Variants in CLEC16A observed in about 807,000 individuals in gnomAD.
The protein encoded by CLEC16A is protein CLEC16A.
A neutral mutation model predicts 109.5 loss-of-function variants in CLEC16A; 51 were observed. That is an observed-to-expected ratio of 0.47 (90% CI 0.37 to 0.59). The LOEUF is 0.59. Ranked by LOEUF, CLEC16A falls within the 20% of genes least tolerant of loss-of-function variation. CLEC16A has a pLI of 0.00. For missense variants in CLEC16A, 1,339 were observed against 1,394.0 expected, an observed-to-expected ratio of 0.96 and a Z score of 0.63; for synonymous variants, 673 against 564.2, an observed-to-expected ratio of 1.19 and a Z score of -2.73.
At chr16:11,120,143 G>A (rs1334039091) in intron 19 of CLEC16A, among the ~76,000 whole-genome samples, 1 of 152,132 alleles carries the variant, frequency 6.6e-6, no homozygotes, top group African/African-American at 2.4e-5. Context: ...CTAATCTTTT[G>A]TAGTTTTAGT....
At chr16:11,040,044 C>G in intron 14 of CLEC16A, 168 bp downstream of exon 14, 1 of 752,650 alleles carries the variant, frequency 1.3e-6, no homozygotes. Flanking sequence ...GCCCTCCTGC[C>G]TGCTGGGACT....
chr16:11,135,660 A>G (rs1207360966), intron 22 of CLEC16A, among the ~76,000 whole-genome samples: 2 of 152,220 alleles, frequency 1.3e-5, no homozygotes, highest in African/African-American at 2.4e-5. Flanking sequence ...CTGGTTGCTA[A>G]TAGAGAAGCC....
At chr16:11,007,201 AC>A (rs1368828847) in intron 11 of CLEC16A, among the ~76,000 whole-genome samples, 1 of 152,068 alleles carries the variant, frequency 6.6e-6, no homozygotes, top group Non-Finnish European at 1.5e-5. Context: ...TTCAAAGCCT[AC>A]TCATTTGTTG....
chr16:11,091,419 C>G (rs1357891426), intron 19 of CLEC16A, among the ~76,000 whole-genome samples: 1 of 152,226 alleles, frequency 6.6e-6, no homozygotes, highest in African/African-American at 2.4e-5. Flanking sequence ...AGAGCATGCT[C>G]TGAAGGCTGT....
At position 11,026,375 on chromosome 16, in the gene CLEC16A, T is replaced by A. The variant is rs554402430; in HGVS notation, c.1537+1454T>A. On this transcript the variant is annotated intron_variant, in intron 13 of 23. Coordinates refer to ENST00000409790, the MANE Select transcript of CLEC16A (RefSeq NM_015226.3). ...TTAAGGTTACGTATTTCTTCTTGAG[T>A]GAGCTTTGGTAACCTGTGTCTTTTA... Among the ~76,000 whole-genome samples, 13 of 152,336 alleles carry A rather than the reference T, an allele frequency of 8.5e-5. No homozygotes were observed. In the South Asian group the frequency reaches 2.1e-3, roughly 24 times the overall value.
chr16:10,961,227 G>A lies in CLEC16A; in HGVS notation c.210-1228G>A, dbSNP rs2042235884. Among the ~76,000 whole-genome samples, 2 of 152,274 alleles carry A rather than the reference G, an allele frequency of 1.3e-5. No individual in the cohort carries two copies. Among genetic ancestry groups the A allele is most frequent in the Admixed American group, 6.5e-5 (1 of 15,292 alleles). On this transcript the variant is annotated intron_variant, in intron 2 of 23. Transcript: ENST00000409790. The surrounding 1 kb of genome is among the most constrained non-coding windows in gnomAD (Gnocchi z 4.3). Reference sequence around the variant, plus strand: ...AATACTCTGGAGGTCAACATGAATGGCATTTACAGGCAGATGGGCCTCCGA... The same window carrying A: ...AATACTCTGGAGGTCAACATGAATGACATTTACAGGCAGATGGGCCTCCGA...
chr16:10,949,080 A>T (rs1005551555), intron 1 of CLEC16A, among the ~76,000 whole-genome samples: 6 of 152,124 alleles, frequency 3.9e-5, no homozygotes, highest in Non-Finnish European at 7.3e-5. Context: ...AGTGGAAAAG[A>T]ATGAGAGAAA....
rs528635599 is a variant in CLEC16A, at chr16:11,044,162, T to C, written c.1815+90T>C. 2.8e-5 allele frequency: 31 copies of C among 1,112,394 alleles called. No homozygotes were observed. In the African/African-American group the frequency reaches 4.4e-4, roughly 16 times the overall value. 68.9% of individuals were successfully genotyped at this position (1,112,394 alleles called of 1,614,324 possible). A position where few individuals can be genotyped will look rare whatever the true frequency, so the allele number is the denominator to read the frequency against. On this transcript the variant is annotated intron_variant, in intron 16 of 23. Transcript: ENST00000409790. ...TGGTTCTATGCAGATAAACGTTATA[T>C]GTCTTCAGTTATTTTTTATGCCTAT... is the stretch of plus-strand genomic sequence containing the variant.
At chr16:10,967,102 G>A (rs964690134) in intron 3 of CLEC16A, among the ~76,000 whole-genome samples, 2 of 152,118 alleles carry the variant, frequency 1.3e-5, no homozygotes, top group Non-Finnish European at 2.9e-5. Flanking sequence ...ACTACAAACC[G>A]CACAGCCTGT....
intron 10 of CLEC16A, among the ~76,000 whole-genome samples, chr16:11,002,821 C>T (rs779157235): frequency 1.3e-5 from 2 of 152,148 alleles, no homozygotes; most frequent in African/African-American, 2.4e-5. Flanking sequence ...TTTTTTAGTG[C>T]TGAATACTAT....
chr16:11,092,251 G>C (rs1005834526), intron 19 of CLEC16A, among the ~76,000 whole-genome samples: 2 of 152,090 alleles, frequency 1.3e-5, no homozygotes, highest in South Asian at 4.1e-4. Context: ...AGCTGAGGTG[G>C]GAGGATCGCT....
intron 22 of CLEC16A, chr16:11,149,991 C>T (rs1288111904): frequency 6.6e-6 from 1 of 152,140 alleles, no homozygotes; most frequent in African/African-American, 2.4e-5. Context: ...CTCTGAAAAT[C>T]AAAATATTTT....
chr16:11,164,453 G>A lies in CLEC16A; in HGVS notation c.2642-1935G>A, dbSNP rs188169724. ...GTCCTGCTAAGCCCTAAGCTGAGCC[G>A]CAGGTCCCATCTGTAGGTGAAAGGA... is the stretch of plus-strand genomic sequence containing the variant. On this transcript the variant is annotated intron_variant, in intron 22 of 23. Coordinates refer to ENST00000409790, the MANE Select transcript of CLEC16A (RefSeq NM_015226.3). Among the ~76,000 whole-genome samples the A allele has an allele frequency of 3.5e-4, 54 of 152,250 alleles. 2 individuals are homozygous for A. The South Asian group carries it at 6.0e-3, about 17-fold the overall frequency.
In CLEC16A at chr16:11,081,495, C is replaced by T. The variant is rs374919987; in HGVS notation, c.2116+20473C>T. Among the ~76,000 whole-genome samples, 21 of 152,252 alleles carry T rather than the reference C, an allele frequency of 1.4e-4. No homozygotes were observed. The East Asian group carries it at 1.5e-3, about 11-fold the overall frequency. The stretch of plus-strand genomic sequence containing the variant: ...GGCTCCTCCAGGTAGCCCTGGCTCA[C>T]GTCTCCCCAAGCTCTCCTTTCCTTT... On this transcript the variant is annotated intron_variant, in intron 19 of 23. Coordinates refer to ENST00000409790, the MANE Select transcript of CLEC16A (RefSeq NM_015226.3).
chr16:11,084,868 C>A (rs1404420449), intron 19 of CLEC16A, among the ~76,000 whole-genome samples: 1 of 152,144 alleles, frequency 6.6e-6, no homozygotes, highest in Non-Finnish European at 1.5e-5. Context: ...TGGTGATTTA[C>A]CTCGAGGAAA....
intron 19 of CLEC16A, chr16:11,066,710 G>A (rs545472488): frequency 4.6e-5 from 7 of 152,310 alleles, no homozygotes; most frequent in South Asian, 2.1e-4. Flanking sequence ...AGATCCTCGC[G>A]ACAGTGTGTT....
chr16:11,082,485 G>A (rs2049778733), intron 19 of CLEC16A, among the ~76,000 whole-genome samples: 1 of 152,198 alleles, frequency 6.6e-6, no homozygotes, highest in South Asian at 2.1e-4. Flanking sequence ...GAACTCTTTT[G>A]GGTTAAAATT....
chr16:11,040,143 T>G, intron 14 of CLEC16A: 1 of 429,788 alleles, frequency 2.3e-6, no homozygotes, highest in East Asian at 3.9e-5. Context: ...CTTCTTTTGC[T>G]GAGATTGTCA....
chr16:10,990,352 C>T (rs999711087), intron 10 of CLEC16A, among the ~76,000 whole-genome samples: 1 of 152,306 alleles, frequency 6.6e-6, no homozygotes, highest in East Asian at 1.9e-4. Context: ...ACATGAGGTC[C>T]GGTACTAAGG....
Sources: gnomAD v4.1 joint callset for allele counts (sites outside exome capture counted in the v4.1 genomes callset) on GRCh38, gnomAD v4.1.1 for gene constraint, Gnocchi (gnomAD v3.1) non-coding constraint, MANE v1.5 for transcripts, NCBI Gene and HGNC (gene_info 2026-07-23, HGNC 2026-07-21) for gene names.